The following MYH7B variants were observed in gnomAD, a reference collection of about 807,000 sequenced individuals.
MYH7B encodes myosin-7B.
Under a neutral mutation model 234.5 loss-of-function variants are expected in MYH7B, and 205 were observed. The ratio of observed to expected loss-of-function variants is 0.87; its 90% CI spans 0.78 to 0.98. MYH7B has a LOEUF of 0.98. Ranked by LOEUF, MYH7B falls within the 50% of genes least tolerant of loss-of-function variation. The pLI, the probability that MYH7B is intolerant of heterozygous loss-of-function variation, is 0.00. For missense variants in MYH7B, 2,652 were observed against 2,633.4 expected (o/e 1.01, Z -0.15); for synonymous variants, 1,193 against 1,105.0 (o/e 1.08, Z -1.58).
chr20:34,991,860 A>G (rs1263177765), intron 24 of MYH7B, among the ~76,000 whole-genome samples: 3 of 152,190 alleles, frequency 2.0e-5, no homozygotes, highest in Admixed American at 6.5e-5. Context: ...TTTTTCTAAC[A>G]GTCTGGCCTG....
intron 7 of MYH7B, 181 bp downstream of exon 7, chr20:34,979,985 A>C: frequency 2.8e-6 from 1 of 354,014 alleles, no homozygotes; most frequent in Non-Finnish European, 4.7e-6. Flanking sequence ...CGGGGCTCTG[A>C]GCAGTGGGGG....
chr20:34,972,063 C>T (rs1355940226), intron 2 of MYH7B, among the ~76,000 whole-genome samples: 4 of 152,148 alleles, frequency 2.6e-5, no homozygotes, highest in East Asian at 3.9e-4. Flanking sequence ...CGCTCTCACC[C>T]GGGTGACAGC....
intron 13 of MYH7B, among the ~76,000 whole-genome samples, chr20:34,985,859 C>A (rs539187835): frequency 8.1e-4 from 123 of 152,220 alleles, no homozygotes; most frequent in Non-Finnish European, 1.3e-3. Context: ...CACACTCACC[C>A]CACACACACG....
intron 2 of MYH7B, among the ~76,000 whole-genome samples, chr20:34,972,283 A>G (rs2147158718): frequency 6.6e-6 from 1 of 152,098 alleles, no homozygotes; most frequent in East Asian, 1.9e-4. Context: ...CTAGGACGGC[A>G]CCTTAAACAT....
intron 43 of MYH7B, 47 bp downstream of exon 43, chr20:35,001,573 G>GC: frequency 6.6e-7 from 1 of 1,526,064 alleles, no homozygotes; most frequent in Non-Finnish European, 8.9e-7. Flanking sequence ...CCCCAGCTCT[G>GC]CCCCAGGGTC....
At chr20:34,991,047 T>C (rs2082136907) in exon 24 of MYH7B, 1 of 1,613,790 alleles carries the variant, frequency 6.2e-7, no homozygotes, top group Admixed American at 1.7e-5. Context: ...TGCGCTGCAA[T>C]GGGGTCCTGG....
intron 1 of MYH7B, among the ~76,000 whole-genome samples, 87 bp from the exon 2 acceptor site, chr20:34,958,011 T>G (rs2081658151): frequency 6.6e-6 from 1 of 152,186 alleles, no homozygotes; most frequent in Non-Finnish European, 1.5e-5. Flanking sequence ...AGGAAGAGGC[T>G]CCTGGGTCAA....
At chr20:34,975,277 G>A (rs192384818) in intron 2 of MYH7B, 123 bp from the exon 3 acceptor site, 15 of 429,822 alleles carry the variant, frequency 3.5e-5, no homozygotes, top group Middle Eastern at 5.9e-4. Flanking sequence ...TGATCTCGGC[G>A]CACTGTAACC....
intron 2 of MYH7B, among the ~76,000 whole-genome samples, chr20:34,968,992 C>T (rs1373316934): frequency 6.6e-6 from 1 of 152,162 alleles, no homozygotes; most frequent in Non-Finnish European, 1.5e-5. Flanking sequence ...GATGAAGAGT[C>T]AGAGGTTGAG....
At chr20:34,964,127 C>A (rs1218699823) in intron 2 of MYH7B, among the ~76,000 whole-genome samples, 1 of 152,152 alleles carries the variant, frequency 6.6e-6, no homozygotes, top group African/African-American at 2.4e-5. Flanking sequence ...TTCAGACTTA[C>A]AAGGTAATAC....
At chr20:34,986,893 GCTT>G in exon 15 of MYH7B, 1 of 1,613,612 alleles carries the variant, frequency 6.2e-7, no homozygotes, top group Non-Finnish European at 8.5e-7. Context: ...CAGACATGCT[GCTT>G]CTGTCTATGA....
At chr20:34,991,146 G>A (rs754415982) in intron 24 of MYH7B, 25 bp downstream of exon 24, 3 of 1,532,674 alleles carry the variant, frequency 2.0e-6, no homozygotes, top group Non-Finnish European at 2.7e-6. Context: ...CCCCCTGCCT[G>A]CTGCTCCAGG....
chr20:34,987,579 G>C, exon 17 of MYH7B: 1 of 1,613,750 alleles, frequency 6.2e-7, no homozygotes, highest in Non-Finnish European at 8.5e-7. Flanking sequence ...CTGCCTACCT[G>C]ATGGGGGTCA....
In MYH7B at chr20:34,969,987, G is replaced by A. The variant is rs565045260; in HGVS notation, c.-221-5413G>A. Reference sequence around the variant, plus strand: ...ATGCTCATCACAGCACTAGGAGGTAGGTCCTGTTTGTGAATCTCCACCATT... The same window carrying A: ...ATGCTCATCACAGCACTAGGAGGTAAGTCCTGTTTGTGAATCTCCACCATT... On this transcript the variant is annotated intron_variant, in intron 2 of 44. Transcript: ENST00000262873. Among the ~76,000 whole-genome samples, 17 of 152,248 alleles carry A rather than the reference G, an allele frequency of 1.1e-4. No individual in the cohort carries two copies. In the East Asian group the frequency reaches 3.1e-3, roughly 28 times the overall value.
chr20:34,999,803 C>T, exon 38 of MYH7B: 2 of 1,376,242 alleles, frequency 1.5e-6, no homozygotes, highest in Non-Finnish European at 1.9e-6. Flanking sequence ...GGCCCTGGAG[C>T]TGGAGGAGAC....
intron 2 of MYH7B, 33 bp from the exon 3 acceptor site, chr20:34,975,367 G>A (rs2081838506): frequency 1.7e-6 from 1 of 572,762 alleles, no homozygotes; most frequent in Non-Finnish European, 3.2e-6. Context: ...ACCATGCCTG[G>A]CTAATTTTTG....
At position 34,996,336 on chromosome 20, in the gene MYH7B, CCTGGCA is replaced by C; in HGVS notation, c.2944-8_2944-3del. On this transcript the variant is annotated splice_region_variant and splice_polypyrimidine_tract_variant and intron_variant, in intron 28 of 44. Coordinates refer to ENST00000262873, the Ensembl canonical transcript of MYH7B. ...AGGGCGTCCCCATTCTGGCCCTGGC[CCTGGCA>C]CAGGTGAAGAACCTGACGGAAGAGA... 1 of 1,573,888 alleles carries C rather than the reference CCTGGCA, an allele frequency of 6.4e-7. No homozygotes were observed.
intron 30 of MYH7B, 22 bp downstream of exon 30, chr20:34,996,780 G>A (rs756240525): frequency 7.5e-6 from 12 of 1,600,688 alleles, no homozygotes; most frequent in East Asian, 4.5e-5. Context: ...GGGGCAGCAG[G>A]TGGGGGCCTT....
chr20:34,977,645 G>C (rs1206112840), exon 4 of MYH7B: 1 of 1,580,086 alleles, frequency 6.3e-7, no homozygotes, highest in Admixed American at 1.8e-5. Context: ...CAATAAAAGG[G>C]GTAGCAGAGC....
Sources: gnomAD v4.1 joint callset for allele counts (sites outside exome capture counted in the v4.1 genomes callset) on GRCh38, gnomAD v4.1.1 for gene constraint, MANE v1.5 for transcripts, NCBI Gene and HGNC (gene_info 2026-07-23, HGNC 2026-07-21) for gene names.